The following FRMPD1 variants were observed in gnomAD, a reference collection of about 807,000 sequenced individuals.
FRMPD1 encodes FERM and PDZ domain containing 1, also known as FERM and PDZ domain-containing protein 1.
Under a neutral mutation model 117.8 loss-of-function variants are expected in FRMPD1, and 76 were observed. The ratio of observed to expected loss-of-function variants is 0.65; its 90% confidence interval spans 0.54 to 0.78. FRMPD1 has a LOEUF of 0.78. Among genes scored for constraint, FRMPD1 ranks in the 30% least tolerant of loss-of-function variants. The probability of loss-of-function intolerance (pLI) is 0.00; values close to 1 mark genes in which losing one functional copy is unlikely to be tolerated. For synonymous variants in FRMPD1, 783 were observed against 770.4 expected (o/e 1.02, Z -0.27); for missense variants, 1,786 against 1,964.5 (o/e 0.91, Z 1.72).
In FRMPD1 at chr9:37,745,686, A is replaced by T. The variant is rs1206019020; in HGVS notation, c.3654A>T (p.Ser1218=). 1.9e-6 allele frequency: 3 copies of T among 1,614,116 alleles called. No individual in the cohort carries two copies. Among genetic ancestry groups the T allele is most frequent in the Non-Finnish European group, 2.5e-6 (3 of 1,180,016 alleles). Residue 1218 remains serine (S), a synonymous_variant, in exon 16 of 16, where the codon TCA becomes TCT. Transcript: ENST00000377765. ...TCTTTCTTGGGAAGCAGACAGTTTC[A>T]CCAGCCGTCCCTCCAGAGGGGATCA... ...PDFFLGKQTV[S]PAVPPEGIKA...
At chr9:37,641,513 A>C in the FRMPD1 span, among the ~76,000 whole-genome samples, 1 of 152,234 alleles carries the variant, frequency 6.6e-6, no homozygotes, top group East Asian at 1.9e-4. Flanking sequence ...TAAAGCTAAC[A>C]AGAGCTGGCA....
At chr9:37,701,000 T>C (rs2118100131) in intron 2 of FRMPD1, among the ~76,000 whole-genome samples, 1 of 152,336 alleles carries the variant, frequency 6.6e-6, no homozygotes. Context: ...GGAGCGGCCA[T>C]GGTTTGGTCA....
intron 7 of FRMPD1, among the ~76,000 whole-genome samples, chr9:37,726,633 G>A (rs370421832): frequency 6.6e-6 from 1 of 152,148 alleles, no homozygotes. Context: ...GGGAGGCAGA[G>A]GTTGCAGTGA....
At chr9:37,742,079 C>T (rs1000109708) in intron 15 of FRMPD1, among the ~76,000 whole-genome samples, 1 of 152,212 alleles carries the variant, frequency 6.6e-6, no homozygotes, top group African/African-American at 2.4e-5. Flanking sequence ...CTCCTTTGAG[C>T]GTTAGAACTG....
At chr9:37,696,167 A>G (rs1588936016) in intron 2 of FRMPD1, among the ~76,000 whole-genome samples, 1 of 129,154 alleles carries the variant, frequency 7.7e-6, no homozygotes. Flanking sequence ...TCCTGTTTTT[A>G]TGACAGGTCC....
chr9:37,705,091 G>A (rs1259447120), intron 2 of FRMPD1, among the ~76,000 whole-genome samples: 1 of 151,852 alleles, frequency 6.6e-6, no homozygotes, highest in Non-Finnish European at 1.5e-5. Context: ...TGAATTGTTT[G>A]ATCCTTTTTG....
At position 37,746,203 on chromosome 9, in the gene FRMPD1, G is replaced by A. The variant is rs760126839; in HGVS notation, c.4171G>A (p.Ala1391Thr). Residue 1391 changes from alanine to threonine, a missense_variant, in exon 16 of 16, where the codon GCA becomes ACA. Physicochemically the swap from Ala to Thr is moderately conservative, Grantham distance 58. Transcript: ENST00000377765. ...RPARAHSCTT[A>T]PLSRKSHIWP... ...TGCCCGAGCCCACAGCTGCACCACC[G>A]CACCCCTGTCGAGGAAAAGCCACAT... The A allele has an allele frequency of 1.7e-5, 28 of 1,612,858 alleles. No individual in the cohort carries two copies. The highest frequency in any genetic ancestry group is 4.5e-5 in the East Asian group (2 of 44,892).
the FRMPD1 span, among the ~76,000 whole-genome samples, chr9:37,604,833 G>A: frequency 2.6e-5 from 4 of 152,194 alleles, no homozygotes; most frequent in Admixed American, 6.5e-5. Flanking sequence ...AAGCATTAGG[G>A]CCGCAGGAAG....
chr9:37,743,190 T>C (rs190219922), intron 15 of FRMPD1, among the ~76,000 whole-genome samples: 1 of 152,050 alleles, frequency 6.6e-6, no homozygotes, highest in African/African-American at 2.4e-5. Flanking sequence ...GACAGAGTTG[T>C]GGCCCCTTTA....
At chr9:37,636,844 C>T in the FRMPD1 span, 10 of 1,611,184 alleles carry the variant, frequency 6.2e-6, no homozygotes, top group African/African-American at 1.3e-5. Context: ...TCTTGGCACT[C>T]GTCTCCAAGA....
chr9:37,612,185 A>G, the FRMPD1 span, among the ~76,000 whole-genome samples: 2 of 152,172 alleles, frequency 1.3e-5, no homozygotes, highest in Non-Finnish European at 2.9e-5. Context: ...CATTATTGTT[A>G]GCACTGTTTC....
chr9:37,646,097 G>A (rs1824135098), upstream of FRMPD1, among the ~76,000 whole-genome samples: 1 of 152,196 alleles, frequency 6.6e-6, no homozygotes. Flanking sequence ...ATATCAGAGA[G>A]GGCTATTTTT....
chr9:37,698,689 G>C (rs1479117646), intron 2 of FRMPD1, among the ~76,000 whole-genome samples: 2 of 150,862 alleles, frequency 1.3e-5, no homozygotes, highest in Non-Finnish European at 2.9e-5. Context: ...AGTCGCCCGC[G>C]TAGCTGGGAT....
upstream of FRMPD1, among the ~76,000 whole-genome samples, chr9:37,649,029 G>A (rs1241000856): frequency 1.3e-5 from 2 of 152,086 alleles, no homozygotes; most frequent in Admixed American, 1.3e-4. Context: ...GGAGAGCGGG[G>A]TTAGGGGCTG....
the FRMPD1 span, among the ~76,000 whole-genome samples, chr9:37,622,807 C>T: frequency 6.6e-6 from 1 of 152,030 alleles, no homozygotes; most frequent in East Asian, 1.9e-4. Flanking sequence ...ATGGGACTGA[C>T]TGATAGGAAA....
chr9:37,619,745 G>A, the FRMPD1 span, among the ~76,000 whole-genome samples: 60 of 149,930 alleles, frequency 4.0e-4, no homozygotes, highest in African/African-American at 1.4e-3. Flanking sequence ...GCGACACAGC[G>A]AGACTCCAGC....
At chr9:37,689,517 C>G (rs1822060824) in intron 1 of FRMPD1, among the ~76,000 whole-genome samples, 1 of 152,176 alleles carries the variant, frequency 6.6e-6, no homozygotes, top group Admixed American at 6.5e-5. Context: ...AGACCTCTGT[C>G]TTCATGCATC....
chr9:37,665,184 C>T (rs1821125171), intron 1 of FRMPD1, among the ~76,000 whole-genome samples: 1 of 152,050 alleles, frequency 6.6e-6, no homozygotes, highest in Non-Finnish European at 1.5e-5. Flanking sequence ...GGTAAGTTCC[C>T]AATTATGTTG....
At chr9:37,675,079 A>G (rs1821478184) in intron 1 of FRMPD1, among the ~76,000 whole-genome samples, 1 of 152,180 alleles carries the variant, frequency 6.6e-6, no homozygotes, top group South Asian at 2.1e-4. Context: ...AGATTGGAAG[A>G]GGAGCAAGAC....
Sources: allele counts gnomAD v4.1 joint callset (sites outside exome capture counted in the v4.1 genomes callset), GRCh38; gene constraint gnomAD v4.1.1; transcripts MANE v1.5; gene names NCBI Gene and HGNC (gene_info 2026-07-23, HGNC 2026-07-21).